ZFAND6: variants seen among roughly 807,000 people sequenced by gnomAD.
The protein encoded by ZFAND6 is AN1-type zinc finger protein 6.
ZFAND6 carries 12 observed loss-of-function variants against 24.5 expected under a neutral mutation model. That is an observed-to-expected ratio of 0.49 (90% CI 0.31 to 0.79). The LOEUF (loss-of-function observed/expected upper bound fraction) is 0.79. Ranked by LOEUF, ZFAND6 falls within the 30% of genes least tolerant of loss-of-function variation. ZFAND6 has a pLI of 0.04. For missense variants in ZFAND6, 207 were observed against 245.9 expected (o/e 0.84, Z 1.06); for synonymous variants, 92 against 81.5 (o/e 1.13, Z -0.69).
intron 1 of ZFAND6, among the ~76,000 whole-genome samples, chr15:80,091,477 G>A (rs1205918367): frequency 2.6e-5 from 4 of 152,178 alleles, no homozygotes; most frequent in Admixed American, 6.5e-5. Flanking sequence ...GCAGAGTTCC[G>A]TTTAGATAAA....
intron 1 of ZFAND6, among the ~76,000 whole-genome samples, chr15:80,062,852 A>G (rs530146033): frequency 3.9e-5 from 6 of 152,306 alleles, no homozygotes; most frequent in East Asian, 3.9e-4. Flanking sequence ...TTATGTGTGT[A>G]TTCTTAATAT....
intron 1 of ZFAND6, among the ~76,000 whole-genome samples, chr15:80,078,907 CTTTAAG>C (rs2037456882): frequency 6.8e-6 from 1 of 147,946 alleles, no homozygotes; most frequent in Non-Finnish European, 1.5e-5. Flanking sequence ...TATTATTATA[CTTTAAG>C]TTTTAGGGTA....
intron 1 of ZFAND6, among the ~76,000 whole-genome samples, chr15:80,063,652 G>A (rs2036456930): frequency 1.3e-5 from 2 of 151,520 alleles, no homozygotes; most frequent in African/African-American, 2.4e-5. Context: ...GGGTTCAAGC[G>A]ATTCTCCTGC....
intron 2 of ZFAND6, among the ~76,000 whole-genome samples, chr15:80,117,150 C>T (rs189912339): frequency 2.4e-4 from 36 of 152,086 alleles, no homozygotes; most frequent in African/African-American, 7.5e-4. Flanking sequence ...TGACTGTTGT[C>T]TTTGATAACA....
At chr15:80,124,681 T>C (rs1184637556) in intron 5 of ZFAND6, among the ~76,000 whole-genome samples, 1 of 152,210 alleles carries the variant, frequency 6.6e-6, no homozygotes, top group African/African-American at 2.4e-5. Flanking sequence ...CCTGATGCCA[T>C]ATTAGGAGAA....
intron 1 of ZFAND6, among the ~76,000 whole-genome samples, chr15:80,079,142 C>T (rs1015231148): frequency 6.7e-6 from 1 of 149,938 alleles, no homozygotes; most frequent in East Asian, 2.0e-4. Flanking sequence ...TTGTTGAATT[C>T]TGGATATTAG....
At chr15:80,080,202 G>A (rs1408134658) in intron 1 of ZFAND6, among the ~76,000 whole-genome samples, 2 of 151,688 alleles carry the variant, frequency 1.3e-5, no homozygotes, top group Admixed American at 1.3e-4. Flanking sequence ...TCACCATGTT[G>A]GCCAGGCTGG....
rs2036567293 is a variant in ZFAND6, at chr15:80,065,423, G to A, written c.-181+5614G>A. Among the ~76,000 whole-genome samples the A allele has an allele frequency of 2.6e-5, 4 of 151,120 alleles. No individual in the cohort carries two copies. In the South Asian group the frequency reaches 8.3e-4, roughly 31 times the overall value. ...TGGTATTTTCATTTTGTAAACAAGT[G>A]TGTTTCTGTTATTGTTTAAGTCTCC... On this transcript the variant is annotated intron_variant, in intron 1 of 6. Coordinates refer to ENST00000261749, the MANE Select transcript of ZFAND6 (RefSeq NM_019006.4).
At chr15:80,112,465 T>C (rs768893578) in intron 2 of ZFAND6, among the ~76,000 whole-genome samples, 35 of 152,014 alleles carry the variant, frequency 2.3e-4, no homozygotes, top group Non-Finnish European at 1.9e-4. Flanking sequence ...TGGCGTGATC[T>C]TGGCTCACTG....
chr15:80,104,830 T>C lies in ZFAND6; in HGVS notation c.-18+6252T>C, dbSNP rs147404710. Among the ~76,000 whole-genome samples the C allele has an allele frequency of 4.8e-3, 731 of 152,356 alleles. 9 individuals are homozygous for C. Among genetic ancestry groups the C allele is most frequent in the African/African-American group, 0.017 (702 of 41,578 alleles). On this transcript the variant is annotated intron_variant, in intron 2 of 6. Coordinates refer to ENST00000261749, the MANE Select transcript of ZFAND6 (RefSeq NM_019006.4). The stretch of plus-strand genomic sequence containing the variant: ...ATTGACAGTATTTCTAACTTATTTT[T>C]TTTTAACCATTTTTACTTGGATTGA...
At chr15:80,137,294 T>C (rs2040908624) in intron 6 of ZFAND6, among the ~76,000 whole-genome samples, 186 bp from the exon 7 acceptor site, 1 of 152,248 alleles carries the variant, frequency 6.6e-6, no homozygotes. Flanking sequence ...CCTGCGTTTG[T>C]AGATAGGAAT....
intron 2 of ZFAND6, among the ~76,000 whole-genome samples, chr15:80,106,353 T>C (rs1325369656): frequency 2.6e-5 from 4 of 152,200 alleles, no homozygotes; most frequent in African/African-American, 7.2e-5. Flanking sequence ...TCACCCCTTA[T>C]TGTAAATAAA....
chr15:80,081,387 T>C (rs892286234), intron 1 of ZFAND6, among the ~76,000 whole-genome samples: 4 of 152,204 alleles, frequency 2.6e-5, no homozygotes, highest in Admixed American at 2.0e-4. Flanking sequence ...TAAGTCAGTG[T>C]TAAAGACTTT....
intron 5 of ZFAND6, chr15:80,130,949 A>T (rs1348406782): frequency 5.0e-6 from 2 of 402,248 alleles, no homozygotes; most frequent in East Asian, 3.5e-5. Context: ...AAGTCTATAA[A>T]ACCACTGTTA....
intron 2 of ZFAND6, among the ~76,000 whole-genome samples, chr15:80,101,689 A>T (rs1431010602): frequency 6.6e-6 from 1 of 152,076 alleles, no homozygotes; most frequent in East Asian, 1.9e-4. Context: ...TGGTTCTTGT[A>T]TCAGATATAA....
At chr15:80,060,250 C>T (rs1419753487) in intron 1 of ZFAND6, 2 of 152,126 alleles carry the variant, frequency 1.3e-5, no homozygotes, top group Non-Finnish European at 2.9e-5. Context: ...AGTCTCAGGT[C>T]CTCTTCGGGA....
chr15:80,102,021 C>T (rs1234591785), intron 2 of ZFAND6, among the ~76,000 whole-genome samples: 1 of 152,044 alleles, frequency 6.6e-6, no homozygotes, highest in Non-Finnish European at 1.5e-5. Flanking sequence ...TGGTCTTGAT[C>T]TCCTGACCTC....
At chr15:80,134,204 G>A (rs1266894499) in intron 6 of ZFAND6, among the ~76,000 whole-genome samples, 1 of 152,062 alleles carries the variant, frequency 6.6e-6, no homozygotes, top group East Asian at 1.9e-4. Context: ...TGGCCAAGCT[G>A]GTCCCAAACT....
intron 1 of ZFAND6, among the ~76,000 whole-genome samples, chr15:80,066,006 C>T (rs913324594): frequency 4.6e-5 from 7 of 152,040 alleles, no homozygotes; most frequent in African/African-American, 1.7e-4. Context: ...TTAAAAACCC[C>T]TGCAGTTGCA....
Sources: gnomAD v4.1 joint callset for allele counts (sites outside exome capture counted in the v4.1 genomes callset) on GRCh38, gnomAD v4.1.1 for gene constraint, MANE v1.5 for transcripts, NCBI Gene and HGNC (gene_info 2026-07-23, HGNC 2026-07-21) for gene names.